The following COL11A1 variants were observed in gnomAD, a reference collection of about 807,000 sequenced individuals.
COL11A1 encodes the protein collagen alpha-1(XI) chain.
In COL11A1, 74 loss-of-function variants were observed where a neutral mutation model predicts 265.2. That is an observed-to-expected ratio of 0.28 (90% confidence interval 0.23 to 0.34). The LOEUF (loss-of-function observed/expected upper bound fraction) is 0.34. Among genes scored for constraint, COL11A1 ranks in the 10% least tolerant of loss-of-function variants. The probability of loss-of-function intolerance (pLI) is 1.00; values close to 1 mark genes in which losing one functional copy is unlikely to be tolerated. For missense variants in COL11A1, 2,165 were observed against 2,263.6 expected, an observed-to-expected ratio of 0.96 and a Z score of 0.88; for synonymous variants, 816 against 727.6, an observed-to-expected ratio of 1.12 and a Z score of -1.96.
intron 1 of COL11A1, among the ~76,000 whole-genome samples, chr1:103,090,995 T>A (rs1280914424): frequency 1.3e-5 from 2 of 152,156 alleles, no homozygotes; most frequent in Admixed American, 1.3e-4. Context: ...TTTCCTGGAA[T>A]TTAGCTTAAG....
At chr1:103,021,939 C>T (rs991196244) in intron 8 of COL11A1, among the ~76,000 whole-genome samples, 170 bp from the exon 9 acceptor site, 17 of 151,490 alleles carry the variant, frequency 1.1e-4, no homozygotes, top group Admixed American at 4.6e-4. Flanking sequence ...GCTCGCCTGC[C>T]GGGTTCACGC....
chr1:102,973,934 T>C (rs1392439638), intron 36 of COL11A1, among the ~76,000 whole-genome samples: 1 of 152,194 alleles, frequency 6.6e-6, no homozygotes, highest in African/African-American at 2.4e-5. Flanking sequence ...ATGGGTAGTA[T>C]TGTTCATCTG....
At chr1:103,008,649 A>G (rs945481385) in intron 14 of COL11A1, 133 bp from the exon 15 acceptor site, 2 of 812,918 alleles carry the variant, frequency 2.5e-6, no homozygotes, top group Non-Finnish European at 4.1e-6. Context: ...CTTATTAATT[A>G]ACACAGTAAA....
intron 46 of COL11A1, among the ~76,000 whole-genome samples, chr1:102,925,174 A>C (rs1656454390): frequency 6.6e-6 from 1 of 152,138 alleles, no homozygotes. Flanking sequence ...ACTGTGAGCC[A>C]CTGTGAAAAA....
chr1:103,108,230 C>A lies in COL11A1; in HGVS notation c.-52G>T. On this transcript the variant is annotated 5_prime_UTR_variant, in exon 1 of 67. Transcript: ENST00000370096. ...AACTCAACCCACGAAATTGCGACTG[C>A]AGACCAACTTCGTCCTTTCCAAGGT... 3 of 1,411,186 alleles carry A rather than the reference C, an allele frequency of 2.1e-6. No individual in the cohort carries two copies. The highest frequency in any genetic ancestry group is 3.0e-6 in the Non-Finnish European group (3 of 997,884). 87.4% of individuals were successfully genotyped at this position (1,411,186 alleles called of 1,614,324 possible).
At chr1:102,882,908 G>T (rs1650435413) in intron 64 of COL11A1, among the ~76,000 whole-genome samples, 1 of 152,104 alleles carries the variant, frequency 6.6e-6, no homozygotes, top group Admixed American at 6.6e-5. Flanking sequence ...CACTTTAGTG[G>T]CACTAAAATT....
chr1:103,058,615 C>T (rs1010053752), intron 4 of COL11A1, among the ~76,000 whole-genome samples: 19 of 152,052 alleles, frequency 1.2e-4, no homozygotes, highest in African/African-American at 4.3e-4. Context: ...CCCTTGAACA[C>T]ACATAGGTCA....
At chr1:103,008,839 T>C (rs1665870706) in intron 14 of COL11A1, among the ~76,000 whole-genome samples, 2 of 152,198 alleles carry the variant, frequency 1.3e-5, no homozygotes, top group South Asian at 4.1e-4. Flanking sequence ...CAAAGCATTA[T>C]TTATGACTAC....
At chr1:103,085,234 T>TATTC (rs1213623745) in intron 1 of COL11A1, among the ~76,000 whole-genome samples, 1 of 152,230 alleles carries the variant, frequency 6.6e-6, no homozygotes, top group Non-Finnish European at 1.5e-5. Flanking sequence ...TAACAATTTG[T>TATTC]ATTCATTCAT....
chr1:102,923,343 C>G lies in COL11A1; in HGVS notation c.3647G>C (p.Gly1216Ala), dbSNP rs1570740272. ...PGEKGENGDV[G>A]PMGPPGPPGP... ...CCAAAAATAAAAACTTACCATGGGA[C>G]CAACATCCCCATTTTCACCTTTTTC... is the stretch of plus-strand genomic sequence containing the variant. Residue 1216 changes from glycine (G) to alanine (A), a missense_variant, in exon 47 of 67, where the codon GGT becomes GCT. By Grantham distance (60) the Gly-to-Ala change is moderately conservative. Coordinates refer to ENST00000370096, the MANE Select transcript of COL11A1 (RefSeq NM_001854.4). 3 of 1,606,838 alleles carry G rather than the reference C, an allele frequency of 1.9e-6. No individual in the cohort carries two copies. Among genetic ancestry groups the G allele is most frequent in the African/African-American group, 1.3e-5 (1 of 74,612 alleles).
At chr1:103,005,094 A>G (rs1665475090) in intron 18 of COL11A1, among the ~76,000 whole-genome samples, 1 of 152,050 alleles carries the variant, frequency 6.6e-6, no homozygotes, top group Non-Finnish European at 1.5e-5. Context: ...GAAATCTGGT[A>G]TTTTTTAAAT....
chr1:103,067,335 C>G (rs1671235786), intron 4 of COL11A1, among the ~76,000 whole-genome samples: 2 of 151,730 alleles, frequency 1.3e-5, no homozygotes, highest in South Asian at 4.1e-4. Flanking sequence ...TACCAATAAG[C>G]TCTCTAAGAA....
intron 54 of COL11A1, among the ~76,000 whole-genome samples, chr1:102,903,530 C>A (rs918231195): frequency 6.6e-6 from 1 of 152,046 alleles, no homozygotes; most frequent in African/African-American, 2.4e-5. Flanking sequence ...TATATACAAA[C>A]CTAATTTAAG....
At chr1:102,963,347 C>A (rs1042034095) in intron 38 of COL11A1, among the ~76,000 whole-genome samples, 3 of 152,136 alleles carry the variant, frequency 2.0e-5, no homozygotes, top group Non-Finnish European at 4.4e-5. Flanking sequence ...CAGTTCCTCT[C>A]GGCCAAAGGC....
intron 24 of COL11A1, chr1:103,001,655 C>A: frequency 2.0e-6 from 1 of 509,504 alleles, no homozygotes; most frequent in Non-Finnish European, 3.5e-6. Context: ...AAAATATTCA[C>A]TCATACCGTT....
rs779058882 is a variant in COL11A1, at chr1:103,025,889, T to G, written c.898-276A>C. On this transcript the variant is annotated intron_variant, in intron 6 of 66. Coordinates refer to ENST00000370096, the MANE Select transcript of COL11A1 (RefSeq NM_001854.4). ...TCAGATTTGGGGGGTGTAAACTTTT[T>G]GGATTTTTCCTTTGATTTAGTAGCC... 15 of 1,613,158 alleles carry G rather than the reference T, an allele frequency of 9.3e-6. No homozygotes were observed. Among genetic ancestry groups the G allele is most frequent in the Admixed American group, 8.3e-5 (5 of 59,968 alleles).
chr1:102,888,026 A>G (rs1209194466), intron 62 of COL11A1, among the ~76,000 whole-genome samples: 1 of 152,144 alleles, frequency 6.6e-6, no homozygotes, highest in African/African-American at 2.4e-5. Context: ...GTACTTTGCT[A>G]TGGTAGCCCT....
At chr1:103,057,279 C>T (rs1469643593) in intron 4 of COL11A1, among the ~76,000 whole-genome samples, 1 of 152,140 alleles carries the variant, frequency 6.6e-6, no homozygotes, top group African/African-American at 2.4e-5. Flanking sequence ...TTTCCTTATC[C>T]ATAAGAAGCA....
chr1:103,104,894 C>T (rs1674571497), intron 1 of COL11A1, among the ~76,000 whole-genome samples: 1 of 152,160 alleles, frequency 6.6e-6, no homozygotes, highest in African/African-American at 2.4e-5. Flanking sequence ...CTAGCACATA[C>T]TCTGGAAGCC....
Sources: gnomAD v4.1 joint callset for allele counts (sites outside exome capture counted in the v4.1 genomes callset) on GRCh38, gnomAD v4.1.1 for gene constraint, MANE v1.5 for transcripts, NCBI Gene and HGNC (gene_info 2026-07-23, HGNC 2026-07-21) for gene names.